The following KATNIP variants were observed in gnomAD, a reference collection of about 807,000 sequenced individuals.
KATNIP encodes katanin-interacting protein.
Under a neutral mutation model 174.0 loss-of-function variants are expected in KATNIP, and 126 were observed. The ratio of observed to expected loss-of-function variants is 0.72; its 90% CI spans 0.63 to 0.84. The LOEUF (loss-of-function observed/expected upper bound fraction) is 0.84, where lower values mean the gene tolerates loss of function less well. Ranked by LOEUF, KATNIP falls within the 40% of genes least tolerant of loss-of-function variation. The probability of loss-of-function intolerance (pLI) is 0.00; values close to 1 mark genes in which losing one functional copy is unlikely to be tolerated. For missense variants in KATNIP, 1,958 were observed against 2,109.7 expected (o/e 0.93, Z 1.41); for synonymous variants, 810 against 835.7 (o/e 0.97, Z 0.53).
At chr16:27,725,284 T>A (rs574248077) in intron 14 of KATNIP, among the ~76,000 whole-genome samples, 1 of 152,216 alleles carries the variant, frequency 6.6e-6, no homozygotes, top group Admixed American at 6.5e-5. Context: ...TCCCATCTTA[T>A]AGACGAAGAA....
At position 27,649,267 on chromosome 16, in the gene KATNIP, G is replaced by T. The variant is rs118190811; in HGVS notation, c.540+532G>T. On this transcript the variant is annotated intron_variant, in intron 6 of 27. Transcript: ENST00000261588. Reference sequence around the variant, plus strand: ...CTAGAGGCCTATGCAGCTTTGGCTTGGAGTCCATGTCGGTTTAGCAGCTTA... The same window carrying T: ...CTAGAGGCCTATGCAGCTTTGGCTTTGAGTCCATGTCGGTTTAGCAGCTTA... 2.6e-3 allele frequency among the ~76,000 whole-genome samples: 393 copies of T among 152,328 alleles called. 2 individuals carry two copies. The highest frequency in any genetic ancestry group is 0.016 in the South Asian group (77 of 4,826).
chr16:27,674,779 C>G (rs1035254422), intron 6 of KATNIP, among the ~76,000 whole-genome samples: 1 of 152,226 alleles, frequency 6.6e-6, no homozygotes, highest in Non-Finnish European at 1.5e-5. Context: ...ACAGCCCACC[C>G]TCTGTCCCCC....
chr16:27,610,515 A>G (rs2075860309), intron 2 of KATNIP, among the ~76,000 whole-genome samples: 1 of 152,100 alleles, frequency 6.6e-6, no homozygotes, highest in South Asian at 2.1e-4. Flanking sequence ...TCTTCCAAGA[A>G]CACCCCTGTG....
In KATNIP at chr16:27,749,646, C is replaced by T. The variant is rs372960427; in HGVS notation, c.2686C>T (p.Leu896Phe). The change falls in exon 16 of 28, where the codon CTT becomes TTT. Residue 896 changes from leucine to phenylalanine, a missense_variant. Coordinates refer to ENST00000261588, the MANE Select transcript of KATNIP (RefSeq NM_015202.5). Reference sequence around the variant, plus strand: ...GTGGCGCAGTGAGCAGGAGCACACACTTCACGAGTCATGGAGCTCCCTCAG... The same window carrying T: ...GTGGCGCAGTGAGCAGGAGCACACATTTCACGAGTCATGGAGCTCCCTCAG... ...SRWRSEQEHTLHESWSSLSAF... is the reference protein window; with the variant it reads ...SRWRSEQEHTFHESWSSLSAF... 1.3e-6 allele frequency: 2 copies of T among 1,598,450 alleles called. No individual in the cohort carries two copies. Among genetic ancestry groups the T allele is most frequent in the South Asian group, 1.1e-5 (1 of 87,970 alleles).
At position 27,698,490 on chromosome 16, in the gene KATNIP, G is replaced by A. The variant is rs144876520; in HGVS notation, c.1103G>A (p.Ser368Asn). 23 of 1,609,386 alleles carry A rather than the reference G, an allele frequency of 1.4e-5. No individual in the cohort carries two copies. The East Asian group carries it at 5.1e-4, about 36-fold the overall frequency. ...AGCAGAAAGGCCGAGCAGCCAGCCAGCCCACTGCAGGTGCGCTCCGGGCTG... is the reference window on the plus strand; with the variant it reads ...AGCAGAAAGGCCGAGCAGCCAGCCAACCCACTGCAGGTGCGCTCCGGGCTG... ...LLSRKAEQPASPLQDAEGPPA... is the reference protein window; with the variant it reads ...LLSRKAEQPANPLQDAEGPPA... Residue 368 changes from serine (S) to asparagine (N), a missense_variant, in exon 9 of 28, where the codon AGC (serine) becomes AAC (asparagine). Physicochemically the swap from Ser to Asn is conservative, Grantham distance 46. This residue lies in a region of KATNIP where 1,557 missense variants were observed against 1,617.8 expected (regional missense o/e 0.96). Coordinates refer to ENST00000261588, the MANE Select transcript of KATNIP (RefSeq NM_015202.5).
intron 5 of KATNIP, among the ~76,000 whole-genome samples, chr16:27,634,688 A>T (rs955932290): frequency 1.8e-4 from 28 of 152,310 alleles, no homozygotes; most frequent in Non-Finnish European, 3.1e-4. Context: ...AACAGCCAAC[A>T]TCTATCCCCC....
intron 2 of KATNIP, among the ~76,000 whole-genome samples, chr16:27,585,371 G>C (rs1236423409): frequency 6.6e-6 from 1 of 152,200 alleles, no homozygotes; most frequent in Non-Finnish European, 1.5e-5. Context: ...GAACAGTTTG[G>C]AGATTCCTCA....
chr16:27,771,636 G>A lies in KATNIP; in HGVS notation c.4182G>A (p.Pro1394=), dbSNP rs202124589. Residue 1394 remains proline (P), a synonymous_variant, in exon 22 of 28, where the codon CCG becomes CCA. Transcript: ENST00000261588. The part of the protein sequence containing the change: ...LECASMDYEA[P]LMPCGFIFQF... ...GTGCAAGCATGGACTACGAGGCACC[G>A]CTGATGCCCTGTGGCTGTATCCTTC... 2.8e-5 allele frequency: 45 copies of A among 1,613,444 alleles called. No individual in the cohort carries two copies. The East Asian group carries it at 6.9e-4, about 25-fold the overall frequency.
At chr16:27,682,570 C>T (rs2078387285) in intron 8 of KATNIP, among the ~76,000 whole-genome samples, 1 of 152,068 alleles carries the variant, frequency 6.6e-6, no homozygotes, top group South Asian at 2.1e-4. Flanking sequence ...TGGATCCAGA[C>T]AGTAATTGGG....
chr16:27,619,444 G>A (rs551312008), intron 3 of KATNIP, among the ~76,000 whole-genome samples: 1 of 152,326 alleles, frequency 6.6e-6, no homozygotes, highest in South Asian at 2.1e-4. Context: ...AAAGGGGAAT[G>A]GGTACGAATG....
At position 27,777,963 on chromosome 16, in the gene KATNIP, G is replaced by A. The variant is rs1413898260; in HGVS notation, c.4795G>A (p.Asp1599Asn). 1 of 1,613,932 alleles carries A rather than the reference G, an allele frequency of 6.2e-7. No individual in the cohort carries two copies. Among genetic ancestry groups the A allele is most frequent in the Admixed American group, 1.7e-5 (1 of 60,028 alleles). ...TNAKRKQSVV[D>N]PALRPKTCIS... ...CGCGAAACGGAAGCAGAGCGTTGTT[G>A]ACCCAGGTCAGTGGCGTTTCTCTGC... Residue 1599 changes from aspartate (D) to asparagine (N), a missense_variant, in exon 27 of 28, where the codon GAC becomes AAC. By Grantham distance (23) the Asp-to-Asn change is conservative (BLOSUM62 1). Around this residue, in one of 3 missense-constraint regions of KATNIP, gnomAD observed 383 missense variants for 456.0 expected, o/e 0.84. Transcript: ENST00000261588. This position sits in a 1 kb window ranked among gnomAD's most constrained non-coding sequence, Gnocchi z 4.4.
chr16:27,742,439 G>A (rs904850551), intron 15 of KATNIP, among the ~76,000 whole-genome samples: 8 of 152,144 alleles, frequency 5.3e-5, no homozygotes, highest in South Asian at 4.1e-4. Flanking sequence ...TAGCTTGGAC[G>A]AGGTCCTTTT....
intron 4 of KATNIP, 83 bp downstream of exon 4, chr16:27,628,913 A>T: frequency 7.1e-7 from 1 of 1,399,420 alleles, no homozygotes; most frequent in Non-Finnish European, 9.9e-7. Flanking sequence ...CACACCTGTA[A>T]TCACATCACT....
intron 3 of KATNIP, among the ~76,000 whole-genome samples, chr16:27,625,773 A>G (rs2076314296): frequency 6.6e-6 from 1 of 152,162 alleles, no homozygotes; most frequent in African/African-American, 2.4e-5. Context: ...CACTGGGTCC[A>G]CAAACACACA....
chr16:27,769,459 C>G (rs2082224973), intron 20 of KATNIP, among the ~76,000 whole-genome samples: 1 of 152,184 alleles, frequency 6.6e-6, no homozygotes, highest in African/African-American at 2.4e-5. Flanking sequence ...ATGACCGTGC[C>G]CATTTAACAG....
Position 27,741,278 on chromosome 16 carries a change from A to G in KATNIP, c.2623+358A>G, listed in dbSNP as rs552687987. ...GTCACTTCACTTTATCCTTAACTGT[A>G]CTGTTAGAAAAATAGCTGGGTACAG... On this transcript the variant is annotated intron_variant, in intron 15 of 27. Transcript: ENST00000261588. Among the ~76,000 whole-genome samples the G allele has an allele frequency of 1.1e-3, 168 of 152,174 alleles. 2 individuals are homozygous for G. The highest frequency in any genetic ancestry group is 3.9e-3 in the African/African-American group (162 of 41,524).
intron 22 of KATNIP, 33 bp from the exon 23 acceptor site, chr16:27,773,066 T>A (rs777305938): frequency 7.9e-6 from 10 of 1,271,060 alleles, no homozygotes; most frequent in South Asian, 2.7e-5. Flanking sequence ...AAAAAAAAAA[T>A]TAAGCCTTCT....
chr16:27,685,429 A>G (rs1036950767), intron 8 of KATNIP: 1 of 152,126 alleles, frequency 6.6e-6, no homozygotes, highest in Non-Finnish European at 1.5e-5. Flanking sequence ...ATGAAACTAG[A>G]GAGAAAACAA....
intron 2 of KATNIP, among the ~76,000 whole-genome samples, chr16:27,607,405 A>G (rs888216144): frequency 1.3e-5 from 2 of 152,092 alleles, no homozygotes; most frequent in Non-Finnish European, 2.9e-5. Flanking sequence ...TGCGTTAAAT[A>G]AGCACCCACA....
Sources: allele counts gnomAD v4.1 joint callset (sites outside exome capture counted in the v4.1 genomes callset), GRCh38; gene constraint gnomAD v4.1.1; regional missense constraint gnomAD v4.1.1; non-coding constraint Gnocchi (gnomAD v3.1); transcripts MANE v1.5; gene names NCBI Gene and HGNC (gene_info 2026-07-23, HGNC 2026-07-21).